Variants in CNOT6 observed in about 807,000 individuals in gnomAD.
The protein encoded by CNOT6 is carbon catabolite repression 4 protein.
Under a neutral mutation model 61.2 loss-of-function variants are expected in CNOT6, and 12 were observed. That is an observed-to-expected ratio of 0.20 (90% CI 0.13 to 0.32). CNOT6 has a LOEUF of 0.32. Ranked by LOEUF, CNOT6 falls within the 10% of genes least tolerant of loss-of-function variation. The probability of loss-of-function intolerance (pLI) is 1.00; values close to 1 mark genes in which losing one functional copy is unlikely to be tolerated. For synonymous variants in CNOT6, 225 were observed against 240.6 expected (o/e 0.94, Z 0.60); for missense variants, 405 against 663.9 (o/e 0.61, Z 4.28).
At chr5:180,555,686 G>A (rs1410627791) in intron 4 of CNOT6, among the ~76,000 whole-genome samples, 1 of 152,204 alleles carries the variant, frequency 6.6e-6, no homozygotes, top group South Asian at 2.1e-4. Flanking sequence ...ACTTCTTAAA[G>A]CAATTGTATC....
rs1561671822 is a variant in CNOT6 at position 180,576,595 on chromosome 5, C to G, written c.*2395C>G. 1 of 152,542 alleles carries G rather than the reference C, an allele frequency of 6.6e-6. No homozygotes were observed. The highest frequency in any genetic ancestry group is 6.5e-5 in the Admixed American group (1 of 15,278). 9.4% of individuals were successfully genotyped at this position (152,542 alleles called of 1,614,324 possible). ...CTGTGGATCAGTTTGAACAGCTTCT[C>G]CACCTTATTTGGACAGTGATAAATT... On this transcript the variant is annotated 3_prime_UTR_variant, in exon 12 of 12. Transcript: ENST00000261951.
chr5:180,541,440 A>ATTTTTTTTTTTTTTTTTTTT (rs1176286473), intron 2 of CNOT6, among the ~76,000 whole-genome samples: 3 of 102,928 alleles, frequency 2.9e-5, no homozygotes, highest in Admixed American at 1.1e-4. Context: ...CTGGCCAAGA[A>ATTTTTTTTTTTTTTTTTTTT]ATTTTTTTTT....
chr5:180,524,137 C>T (rs529393477), intron 1 of CNOT6, among the ~76,000 whole-genome samples: 3 of 152,158 alleles, frequency 2.0e-5, no homozygotes, highest in African/African-American at 7.2e-5. Flanking sequence ...GTGCTATATG[C>T]CTGCTGACTC....
chr5:180,538,886 A>G (rs1249260668), intron 2 of CNOT6, among the ~76,000 whole-genome samples: 1 of 151,624 alleles, frequency 6.6e-6, no homozygotes. Context: ...CTCAAAAGAA[A>G]AAAAATTGTC....
chr5:180,514,137 C>G (rs532881821), intron 1 of CNOT6, among the ~76,000 whole-genome samples: 1 of 151,530 alleles, frequency 6.6e-6, no homozygotes, highest in South Asian at 2.1e-4. Flanking sequence ...TGAAACTTCT[C>G]GATTTTATAG....
intron 1 of CNOT6, among the ~76,000 whole-genome samples, chr5:180,507,878 A>G (rs1289880631): frequency 6.6e-6 from 1 of 152,110 alleles, no homozygotes; most frequent in African/African-American, 2.4e-5. Context: ...TGGGGTGGAG[A>G]TGCTACACAC....
intron 8 of CNOT6, 33 bp downstream of exon 8, chr5:180,567,275 T>C: frequency 6.3e-7 from 1 of 1,584,750 alleles, no homozygotes; most frequent in Non-Finnish European, 8.6e-7. Context: ...AAGAACGTTT[T>C]CTCAGTATTT....
At chr5:180,528,115 A>AT (rs535633861) in intron 1 of CNOT6, among the ~76,000 whole-genome samples, 6 of 151,768 alleles carry the variant, frequency 4.0e-5, no homozygotes, top group South Asian at 2.1e-4. Context: ...TTTTCCACTG[A>AT]TTTTTTTTCA....
At chr5:180,511,517 A>G (rs1331010194) in intron 1 of CNOT6, among the ~76,000 whole-genome samples, 1 of 151,994 alleles carries the variant, frequency 6.6e-6, no homozygotes, top group Non-Finnish European at 1.5e-5. Context: ...AGGCTGAGAC[A>G]GGAGAATCAC....
intron 1 of CNOT6, among the ~76,000 whole-genome samples, chr5:180,525,657 C>T (rs946813050): frequency 4.6e-5 from 7 of 152,104 alleles, no homozygotes; most frequent in African/African-American, 1.7e-4. Flanking sequence ...GTTTCCCAGC[C>T]TTGTAACAGT....
In CNOT6 at chr5:180,578,184, CAT is replaced by C. The variant is rs1414243263; in HGVS notation, c.*3987_*3988del. Reference sequence around the variant, plus strand: ...ATTGGCTGTTATTCTGTATAACACTCATATCTTTGCCAAAGTTCAATTTTATA... The same window carrying C: ...ATTGGCTGTTATTCTGTATAACACTCATCTTTGCCAAAGTTCAATTTTATA... On this transcript the variant is annotated 3_prime_UTR_variant, in exon 12 of 12. Coordinates refer to ENST00000261951, the MANE Select transcript of CNOT6 (RefSeq NM_001370472.1). 3 of 152,626 alleles carry C rather than the reference CAT, an allele frequency of 2.0e-5. No homozygotes were observed. Among genetic ancestry groups the C allele is most frequent in the African/African-American group, 7.2e-5 (3 of 41,434 alleles). 9.5% of individuals were successfully genotyped at this position (152,626 alleles called of 1,614,324 possible).
chr5:180,567,122 T>C lies in CNOT6; in HGVS notation c.752T>C (p.Leu251Pro). The change falls in exon 8 of 12, where the codon CTG becomes CCG. Residue 251 changes from leucine to proline, a missense_variant. Coordinates refer to ENST00000261951, the MANE Select transcript of CNOT6 (RefSeq NM_001370472.1). ...VETEQYYSFF[L>P]VELKERGYNG... ...ACGGAACAGTATTACAGTTTTTTTC[T>C]GGTAGAGCTGAAAGAACGTGGCTAT... is the stretch of plus-strand genomic sequence containing the variant. 6.2e-7 allele frequency: 1 copy of C among 1,613,330 alleles called. No individual in the cohort carries two copies. Among genetic ancestry groups the C allele is most frequent in the Non-Finnish European group, 8.5e-7 (1 of 1,179,810 alleles).
At position 180,527,062 on chromosome 5, in the gene CNOT6, G is replaced by T. The variant is rs1388469716; in HGVS notation, c.-2-2213G>T. On this transcript the variant is annotated intron_variant, in intron 1 of 11. Coordinates refer to ENST00000261951, the MANE Select transcript of CNOT6 (RefSeq NM_001370472.1). ...GCTTGGCTAATTTTTAATTTTTTTGGTAAGAGATGGGGCCCAGGGTGGTGC... is the reference window on the plus strand; with the variant it reads ...GCTTGGCTAATTTTTAATTTTTTTGTTAAGAGATGGGGCCCAGGGTGGTGC... 7.2e-5 allele frequency among the ~76,000 whole-genome samples: 11 copies of T among 151,978 alleles called. No individual in the cohort carries two copies. In the East Asian group the frequency reaches 1.9e-3, roughly 27 times the overall value.
chr5:180,523,704 T>C (rs1581496780), intron 1 of CNOT6, among the ~76,000 whole-genome samples: 1 of 152,206 alleles, frequency 6.6e-6, no homozygotes, highest in East Asian at 1.9e-4. Context: ...AACCCCTCAC[T>C]GTGATTCCTA....
chr5:180,530,815 T>G (rs567209110), intron 2 of CNOT6, among the ~76,000 whole-genome samples: 2 of 152,298 alleles, frequency 1.3e-5, no homozygotes, highest in East Asian at 3.9e-4. Flanking sequence ...AAAGCACATC[T>G]TGCACCGCCC....
chr5:180,532,554 G>T (rs1036927927), intron 2 of CNOT6, among the ~76,000 whole-genome samples: 1 of 152,064 alleles, frequency 6.6e-6, no homozygotes, highest in African/African-American at 2.4e-5. Flanking sequence ...CACAAAAGAA[G>T]ACTTCTGTGA....
Position 180,567,854 on chromosome 5 carries a change from C to G in CNOT6, c.878C>G (p.Thr293Ser). The G allele has an allele frequency of 1.2e-6, 2 of 1,613,952 alleles. No homozygotes were observed. Among genetic ancestry groups the G allele is most frequent in the Non-Finnish European group, 1.7e-6 (2 of 1,179,962 alleles). ...CAIFFKTEKF[T>S]LVQKHTVEFN... ...GTGTGTTGTTTTTGTTTTAGATTTA[C>G]TTTGGTTCAGAAACACACTGTTGAA... The change falls in exon 9 of 12, where the codon ACT becomes AGT. Residue 293 changes from threonine (T) to serine (S), a missense_variant. This residue lies in a region of CNOT6 where 24 missense variants were observed against 85.2 expected (regional missense o/e 0.28). Coordinates refer to ENST00000261951, the MANE Select transcript of CNOT6 (RefSeq NM_001370472.1).
chr5:180,535,858 A>G (rs1275384639), intron 2 of CNOT6, among the ~76,000 whole-genome samples: 2 of 152,166 alleles, frequency 1.3e-5, no homozygotes, highest in East Asian at 3.9e-4. Flanking sequence ...TGAGTGGTGT[A>G]AGATGGTATT....
At chr5:180,567,023 A>T in intron 7 of CNOT6, 65 bp from the exon 8 acceptor site, 1 of 1,414,416 alleles carries the variant, frequency 7.1e-7, no homozygotes, top group Non-Finnish European at 9.7e-7. Context: ...CAAACTATAC[A>T]TAGAAGTTAA....
Sources: gnomAD v4.1 joint callset for allele counts (sites outside exome capture counted in the v4.1 genomes callset) on GRCh38, gnomAD v4.1.1 for gene constraint, gnomAD v4.1.1 regional missense constraint, MANE v1.5 for transcripts, NCBI Gene and HGNC (gene_info 2026-07-23, HGNC 2026-07-21) for gene names.